Variants in RANBP2 observed in about 807,000 individuals in gnomAD.
RANBP2 encodes the protein RAN binding protein 2.
A neutral mutation model predicts 303.6 loss-of-function variants in RANBP2; 57 were observed. The ratio of observed to expected loss-of-function variants is 0.19; its 90% CI spans 0.15 to 0.23. RANBP2 has a LOEUF of 0.23. RANBP2 is among the 10% of genes least tolerant of loss of function. The pLI, the probability that RANBP2 is intolerant of heterozygous loss-of-function variation, is 1.00. For synonymous variants in RANBP2, 1,167 were observed against 1,301.5 expected, an observed-to-expected ratio of 0.90 and a Z score of 2.23; for missense variants, 3,138 against 3,780.8, an observed-to-expected ratio of 0.83 and a Z score of 4.46.
the RANBP2 span, among the ~76,000 whole-genome samples, chr2:109,557,263 C>T: frequency 6.6e-6 from 1 of 152,112 alleles, no homozygotes; most frequent in East Asian, 1.9e-4. Context: ...TATACAAGCA[C>T]TTGAGTTGTT....
At chr2:109,545,993 C>A in the RANBP2 span, 1 of 1,514,904 alleles carries the variant, frequency 6.6e-7, no homozygotes, top group Non-Finnish European at 8.8e-7. Context: ...GAAGATCCGA[C>A]AGGGCAATGT....
the RANBP2 span, among the ~76,000 whole-genome samples, chr2:108,972,775 G>C: frequency 6.6e-6 from 1 of 152,182 alleles, no homozygotes; most frequent in Non-Finnish European, 1.5e-5. Flanking sequence ...AGACTCAGAA[G>C]GGGGTGAGGA....
At chr2:109,731,157 C>T in the RANBP2 span, among the ~76,000 whole-genome samples, 1 of 152,284 alleles carries the variant, frequency 6.6e-6, no homozygotes, top group East Asian at 1.9e-4. Flanking sequence ...CACCTTCTAA[C>T]ATCTTCACCT....
chr2:109,555,550 T>C, the RANBP2 span, among the ~76,000 whole-genome samples: 13 of 152,302 alleles, frequency 8.5e-5, 1 homozygote, highest in Admixed American at 6.5e-4. Context: ...GAGCAAACTA[T>C]TCTCATAAAT....
chr2:109,576,080 C>T, the RANBP2 span, among the ~76,000 whole-genome samples: 1,141 of 152,012 alleles, frequency 7.5e-3, 16 homozygotes, highest in Middle Eastern at 0.02. Flanking sequence ...AACAACACAG[C>T]GAGACCCCCA....
At chr2:109,659,422 C>A in the RANBP2 span, among the ~76,000 whole-genome samples, 1 of 152,158 alleles carries the variant, frequency 6.6e-6, no homozygotes, top group Non-Finnish European at 1.5e-5. Flanking sequence ...AATAACAGCA[C>A]CCCCGTGGCC....
chr2:108,985,263 G>A, the RANBP2 span, among the ~76,000 whole-genome samples: 2 of 152,140 alleles, frequency 1.3e-5, no homozygotes, highest in Non-Finnish European at 2.9e-5. Flanking sequence ...CTACACTGCG[G>A]GCCTCAGGGC....
chr2:109,673,790 T>C, the RANBP2 span, among the ~76,000 whole-genome samples: 1 of 152,162 alleles, frequency 6.6e-6, no homozygotes, highest in East Asian at 1.9e-4. Context: ...CAAACAGTTT[T>C]CCCAGATAGC....
chr2:109,269,171 G>A, the RANBP2 span, among the ~76,000 whole-genome samples: 1 of 152,332 alleles, frequency 6.6e-6, no homozygotes. Context: ...GGGGGAGAGG[G>A]ACCACAGGCT....
chr2:109,303,945 T>C, the RANBP2 span, among the ~76,000 whole-genome samples: 1 of 151,918 alleles, frequency 6.6e-6, no homozygotes, highest in Non-Finnish European at 1.5e-5. Flanking sequence ...CTACTGAAAA[T>C]ACAAAATTAG....
At chr2:109,504,119 C>T in the RANBP2 span, 48,600 of 152,162 alleles carry the variant, frequency 0.32, 10,346 homozygotes, top group African/African-American at 0.61. Context: ...TGATGTAGCT[C>T]GCAGAGAAGA....
the RANBP2 span, chr2:108,895,389 T>C: frequency 1.3e-5 from 2 of 152,650 alleles, no homozygotes; most frequent in Non-Finnish European, 2.9e-5. Context: ...AGCAGTGAAC[T>C]CTAACCCCTG....
the RANBP2 span, among the ~76,000 whole-genome samples, chr2:109,148,826 C>T: frequency 1.4e-5 from 2 of 142,638 alleles, no homozygotes; most frequent in South Asian, 4.8e-4. Flanking sequence ...TGTGTAGGGA[C>T]AGCAATCATG....
At chr2:109,029,261 G>A in the RANBP2 span, among the ~76,000 whole-genome samples, 1 of 152,146 alleles carries the variant, frequency 6.6e-6, no homozygotes, top group South Asian at 2.1e-4. Flanking sequence ...CCCCATCCCA[G>A]CCCCCATTCA....
At position 108,763,836 on chromosome 2, in the gene RANBP2, C is replaced by G; in HGVS notation, c.3297C>G (p.Phe1099Leu). ...GGQTIGPRNT[F>L]NFGSKNVSGI... ...AAACCATTGGGCCTCGAAATACATT[C>G]AATTTTGGAAGCAAAAATGTGTCTG... is the stretch of plus-strand genomic sequence containing the variant. Residue 1099 changes from phenylalanine to leucine, a missense_variant, in exon 20 of 29, where the codon TTC (phenylalanine) becomes TTG (leucine). Physicochemically the swap from Phe to Leu is conservative, Grantham distance 22. Coordinates refer to ENST00000283195, the MANE Select transcript of RANBP2 (RefSeq NM_006267.5). The G allele has an allele frequency of 2.5e-6, 4 of 1,614,020 alleles. No individual in the cohort carries two copies. In the South Asian group the frequency reaches 3.3e-5, roughly 13 times the overall value.
the RANBP2 span, among the ~76,000 whole-genome samples, chr2:109,628,800 C>A: frequency 6.7e-6 from 1 of 149,556 alleles, no homozygotes; most frequent in Non-Finnish European, 1.5e-5. Context: ...TACTTTTATA[C>A]AGTAGATTTT....
the RANBP2 span, among the ~76,000 whole-genome samples, chr2:109,625,068 T>TCAA: frequency 2.5e-4 from 25 of 99,502 alleles, 2 homozygotes; most frequent in African/African-American, 5.8e-4. Context: ...GTGACACATC[T>TCAA]CAACAACAAC....
At chr2:108,926,669 C>A in the RANBP2 span, among the ~76,000 whole-genome samples, 2 of 152,220 alleles carry the variant, frequency 1.3e-5, no homozygotes, top group Non-Finnish European at 2.9e-5. Flanking sequence ...CAGGTCCTCC[C>A]ACACAACCTC....
chr2:109,661,015 C>T, the RANBP2 span, among the ~76,000 whole-genome samples: 3 of 152,304 alleles, frequency 2.0e-5, no homozygotes, highest in African/African-American at 7.2e-5. Context: ...GTTGGCTTAT[C>T]TGCTAAAACA....
Sources: gnomAD v4.1 joint callset for allele counts (sites outside exome capture counted in the v4.1 genomes callset) on GRCh38, gnomAD v4.1.1 for gene constraint, MANE v1.5 for transcripts, NCBI Gene and HGNC (gene_info 2026-07-23, HGNC 2026-07-21) for gene names.